Variants in ABI3BP observed in about 807,000 individuals in gnomAD.
ABI3BP encodes the protein target of Nesh-SH3.
In ABI3BP, 216 loss-of-function variants were observed where a neutral mutation model predicts 268.6. The ratio of observed to expected loss-of-function variants is 0.80; its 90% CI spans 0.72 to 0.90. The LOEUF (loss-of-function observed/expected upper bound fraction) is 0.90, where lower values mean the gene tolerates loss of function less well. Ranked by LOEUF, ABI3BP falls within the 40% of genes least tolerant of loss-of-function variation. ABI3BP has a pLI of 0.00. For synonymous variants in ABI3BP, 730 were observed against 730.0 expected, an observed-to-expected ratio of 1.00 and a Z score of 0.00; for missense variants, 2,090 against 2,182.4, an observed-to-expected ratio of 0.96 and a Z score of 0.84.
At chr3:100,886,361 G>A in intron 4 of ABI3BP, 38 bp from the exon 5 acceptor site, 1 of 1,409,562 alleles carries the variant, frequency 7.1e-7, no homozygotes, top group South Asian at 1.6e-5. Flanking sequence ...TAAAATCACA[G>A]AGGGATTCAG....
At chr3:100,801,731 G>A (rs2097542401) in intron 51 of ABI3BP, among the ~76,000 whole-genome samples, 1 of 151,956 alleles carries the variant, frequency 6.6e-6, no homozygotes, top group Non-Finnish European at 1.5e-5. Flanking sequence ...ATCCTTAAGG[G>A]GAAAAATAAG....
intron 1 of ABI3BP, among the ~76,000 whole-genome samples, chr3:100,931,217 A>C (rs1457745793): frequency 2.0e-5 from 3 of 152,132 alleles, no homozygotes; most frequent in Non-Finnish European, 4.4e-5. Flanking sequence ...CATCTATGAC[A>C]AACCCACAGC....
Position 100,959,735 on chromosome 3 carries a change from T to C in ABI3BP, c.80-33254A>G, listed in dbSNP as rs541586134. 4.2e-4 allele frequency among the ~76,000 whole-genome samples: 64 copies of C among 152,246 alleles called. 1 individual carries two copies. Among genetic ancestry groups the C allele is most frequent in the Admixed American group, 1.7e-3 (26 of 15,294 alleles). ...TACTCTCTGGTAAATCAGTCTTGAC[T>C]TTATAAGATAATGCTAGAGAAATTT... On this transcript the variant is annotated intron_variant, in intron 1 of 67. Coordinates refer to ENST00000471714, the MANE Select transcript of ABI3BP (RefSeq NM_001375547.2).
At chr3:100,788,779 G>C (rs141399327) in intron 56 of ABI3BP, among the ~76,000 whole-genome samples, 7 of 151,814 alleles carry the variant, frequency 4.6e-5, no homozygotes, top group African/African-American at 1.7e-4. Context: ...ACATTCATTC[G>C]TAGCAGGTTT....
intron 57 of ABI3BP, among the ~76,000 whole-genome samples, chr3:100,785,533 T>A (rs2097010546): frequency 1.3e-5 from 2 of 152,226 alleles, no homozygotes; most frequent in South Asian, 4.1e-4. Context: ...TAGATGATCA[T>A]GTTATCTATA....
chr3:100,822,625 T>C lies in ABI3BP; in HGVS notation c.2851A>G (p.Thr951Ala). 2.6e-6 allele frequency: 4 copies of C among 1,536,544 alleles called. No individual in the cohort carries two copies. Among genetic ancestry groups the C allele is most frequent in the Non-Finnish European group, 3.5e-6 (4 of 1,146,902 alleles). ...TCAGGTGCTTCAGGACGTGGTGTGGTTTTTGTTCTGAGACGTGGACGACGT... is the reference window on the plus strand; with the variant it reads ...TCAGGTGCTTCAGGACGTGGTGTGGCTTTTGTTCTGAGACGTGGACGACGT... ...RTRRPRLRTK[T>A]TPRPEAPESK... is the part of the protein sequence containing the mutation. Residue 951 changes from threonine to alanine, a missense_variant, in exon 38 of 68, where the codon ACC becomes GCC. Physicochemically the swap from Thr to Ala is moderately conservative, Grantham distance 58. Transcript: ENST00000471714.
intron 62 of ABI3BP, among the ~76,000 whole-genome samples, chr3:100,767,289 A>AT (rs903743751): frequency 1.3e-5 from 2 of 152,138 alleles, no homozygotes; most frequent in African/African-American, 4.8e-5. Context: ...GAGGAGGATG[A>AT]TTTTTTCTGA....
chr3:100,881,950 T>C (rs181178599), intron 6 of ABI3BP, among the ~76,000 whole-genome samples: 1 of 152,208 alleles, frequency 6.6e-6, no homozygotes, highest in African/African-American at 2.4e-5. Flanking sequence ...TCTAGATATA[T>C]GAATTACAAT....
intron 20 of ABI3BP, chr3:100,844,196 G>A (rs1450495469): frequency 8.1e-6 from 8 of 985,440 alleles, no homozygotes; most frequent in Non-Finnish European, 9.6e-6. Context: ...ACTCACATGT[G>A]TGTAGGAATG....
chr3:100,810,296 C>T (rs190377986), intron 49 of ABI3BP, 116 bp downstream of exon 49: 1 of 790,224 alleles, frequency 1.3e-6, no homozygotes, highest in South Asian at 1.9e-5. Context: ...GGTAGGATTA[C>T]CCATCAAAGT....
intron 1 of ABI3BP, among the ~76,000 whole-genome samples, chr3:100,927,047 A>G (rs982343884): frequency 1.3e-5 from 2 of 152,142 alleles, no homozygotes; most frequent in African/African-American, 4.8e-5. Flanking sequence ...TACATCTGGA[A>G]ATACATGGAG....
At chr3:100,912,901 CTG>C (rs2057273704) in intron 2 of ABI3BP, among the ~76,000 whole-genome samples, 1 of 152,202 alleles carries the variant, frequency 6.6e-6, no homozygotes. Context: ...CTCTGTGACT[CTG>C]TAGCTATCAG....
At chr3:100,944,137 C>T (rs1039426013) in intron 1 of ABI3BP, among the ~76,000 whole-genome samples, 6 of 152,096 alleles carry the variant, frequency 3.9e-5, no homozygotes, top group Non-Finnish European at 8.8e-5. Flanking sequence ...GCATGAGCCT[C>T]TTTTGACAAT....
At chr3:100,829,555 T>A in intron 33 of ABI3BP, 26 bp downstream of exon 33, 1 of 1,525,618 alleles carries the variant, frequency 6.6e-7, no homozygotes, top group Non-Finnish European at 8.8e-7. Flanking sequence ...CTGTTAGGAT[T>A]CCTCAAGCAT....
chr3:100,862,242 C>G, intron 14 of ABI3BP, 69 bp downstream of exon 14: 1 of 1,032,134 alleles, frequency 9.7e-7, no homozygotes, highest in Non-Finnish European at 1.4e-6. Context: ...ATTAAGGAAC[C>G]TATAAAAACA....
At chr3:100,867,657 A>AG (rs1339211758) in intron 9 of ABI3BP, among the ~76,000 whole-genome samples, 6 of 151,340 alleles carry the variant, frequency 4.0e-5, no homozygotes, top group Admixed American at 2.0e-4. Context: ...AAAAAAAAAA[A>AG]AAAAGAAAAT....
intron 6 of ABI3BP, among the ~76,000 whole-genome samples, chr3:100,881,522 A>T (rs1020159915): frequency 6.6e-6 from 1 of 152,170 alleles, no homozygotes; most frequent in Non-Finnish European, 1.5e-5. Context: ...TCAAATATTG[A>T]TTTTGTTTAG....
At chr3:100,819,105 A>G (rs541269723) in intron 40 of ABI3BP, among the ~76,000 whole-genome samples, 1 of 152,310 alleles carries the variant, frequency 6.6e-6, no homozygotes, top group South Asian at 2.1e-4. Context: ...CTCTAATCAT[A>G]AAAGTGCAGG....
At chr3:100,989,869 C>T (rs2092647971) in intron 1 of ABI3BP, among the ~76,000 whole-genome samples, 1 of 152,200 alleles carries the variant, frequency 6.6e-6, no homozygotes, top group South Asian at 2.1e-4. Flanking sequence ...AGCACAGGGG[C>T]TTCCAAAGGT....
Sources: allele counts gnomAD v4.1 joint callset (sites outside exome capture counted in the v4.1 genomes callset), GRCh38; gene constraint gnomAD v4.1.1; transcripts MANE v1.5; gene names NCBI Gene and HGNC (gene_info 2026-07-23, HGNC 2026-07-21).